The following GALK2 variants were observed in gnomAD, a reference collection of about 807,000 sequenced individuals.
The protein encoded by GALK2 is galactokinase 2, also known as N-acetylgalactosamine kinase.
In GALK2, 36 loss-of-function variants were observed where a neutral mutation model predicts 52.4. The ratio of observed to expected loss-of-function variants is 0.69; its 90% confidence interval spans 0.53 to 0.91. GALK2 has a LOEUF of 0.91. Ranked by LOEUF, GALK2 falls within the 40% of genes least tolerant of loss-of-function variation. The pLI is 0.00. For missense variants in GALK2, 579 were observed against 559.1 expected (o/e 1.04, Z -0.36); for synonymous variants, 176 against 199.1 (o/e 0.88, Z 0.98).
intron 5 of GALK2, among the ~76,000 whole-genome samples, chr15:49,278,216 G>C (rs1315408721): frequency 1.3e-5 from 2 of 152,172 alleles, no homozygotes; most frequent in Non-Finnish European, 2.9e-5. Flanking sequence ...AGCCGAGATC[G>C]CACCACTGTA....
chr15:49,258,930 G>C (rs541055241), intron 5 of GALK2, among the ~76,000 whole-genome samples: 1 of 150,536 alleles, frequency 6.6e-6, no homozygotes, highest in Non-Finnish European at 1.5e-5. Context: ...TGTGTTTTTT[G>C]GCTGCATAAA....
At chr15:49,262,194 G>T (rs1052853131) in intron 5 of GALK2, among the ~76,000 whole-genome samples, 2 of 151,926 alleles carry the variant, frequency 1.3e-5, no homozygotes, top group African/African-American at 4.8e-5. Flanking sequence ...AATCCATCTG[G>T]TCCTGGACTC....
At chr15:49,307,731 G>A (rs1471130697) in intron 8 of GALK2, among the ~76,000 whole-genome samples, 1 of 152,160 alleles carries the variant, frequency 6.6e-6, no homozygotes, top group East Asian at 1.9e-4. Context: ...TTGGAAATCT[G>A]AGAAAGGGAA....
At chr15:49,226,570 A>G (rs1449215476) in intron 3 of GALK2, 3 of 151,556 alleles carry the variant, frequency 2.0e-5, no homozygotes, top group African/African-American at 4.9e-5. Context: ...TTTTTTTAGT[A>G]GCTACTTTAT....
chr15:49,332,372 G>T (rs2038953477), downstream of GALK2, among the ~76,000 whole-genome samples: 1 of 152,206 alleles, frequency 6.6e-6, no homozygotes, highest in Admixed American at 6.5e-5. Context: ...GAGGGAGATG[G>T]AAAAGGCCAG....
intron 2 of GALK2, among the ~76,000 whole-genome samples, chr15:49,212,280 A>G (rs759130441): frequency 1.3e-5 from 2 of 152,032 alleles, no homozygotes; most frequent in Admixed American, 6.6e-5. Flanking sequence ...TTTAGTAGAG[A>G]TGGGGTTTCA....
chr15:49,365,396 G>A (rs1257023196), intron 3 of GALK2: 1 of 1,129,702 alleles, frequency 8.9e-7, no homozygotes, highest in African/African-American at 1.5e-5. Flanking sequence ...CGAAGAACCA[G>A]TCTAAACATC....
chr15:49,193,467 A>T (rs2086937348), intron 1 of GALK2, among the ~76,000 whole-genome samples: 1 of 151,812 alleles, frequency 6.6e-6, no homozygotes, highest in Non-Finnish European at 1.5e-5. Flanking sequence ...AAATGTTTTA[A>T]AACATTTTTA....
At chr15:49,360,667 G>C (rs1056140511) in intron 3 of GALK2, among the ~76,000 whole-genome samples, 1 of 152,036 alleles carries the variant, frequency 6.6e-6, no homozygotes, top group Non-Finnish European at 1.5e-5. Flanking sequence ...CTAAATCCTA[G>C]ACATCAAAGT....
chr15:49,198,167 T>C (rs1049456176), intron 1 of GALK2, among the ~76,000 whole-genome samples: 1 of 152,194 alleles, frequency 6.6e-6, no homozygotes, highest in Admixed American at 6.5e-5. Flanking sequence ...TTGCTTGTGA[T>C]GTATTCTTTT....
At chr15:49,341,108 G>C (rs1224903757) in intron 3 of GALK2, among the ~76,000 whole-genome samples, 1 of 152,088 alleles carries the variant, frequency 6.6e-6, no homozygotes, top group African/African-American at 2.4e-5. Flanking sequence ...TCTCTATTCT[G>C]TTTCATCAGT....
At chr15:49,197,379 G>T (rs1429381710) in intron 1 of GALK2, among the ~76,000 whole-genome samples, 1 of 152,044 alleles carries the variant, frequency 6.6e-6, no homozygotes, top group East Asian at 1.9e-4. Flanking sequence ...TTTGATTTCA[G>T]TTCTGTCATA....
At chr15:49,195,020 A>T (rs1566924868) in intron 1 of GALK2, 7 of 427,114 alleles carry the variant, frequency 1.6e-5, no homozygotes, top group Non-Finnish European at 2.8e-5. Context: ...CATCTTTATG[A>T]TGTTGTATCA....
chr15:49,366,465 T>G (rs1454019034), intron 3 of GALK2: 1 of 1,019,102 alleles, frequency 9.8e-7, no homozygotes, highest in African/African-American at 1.6e-5. Flanking sequence ...TCAGAAAGGT[T>G]GCATAGTGGT....
rs565583925 is a variant in GALK2, at chr15:49,313,290, G to A, written c.968-6314G>A. Among the ~76,000 whole-genome samples, 8 of 152,342 alleles carry A rather than the reference G, an allele frequency of 5.3e-5. No individual in the cohort carries two copies. In the South Asian group the frequency reaches 1.7e-3, roughly 32 times the overall value. The stretch of plus-strand genomic sequence containing the variant: ...AGAAGGCATCACCGTGGCTGGCTAT[G>A]GCACATGGGTTGTTTGTAATCTTTG... On this transcript the variant is annotated intron_variant, in intron 8 of 9. Coordinates refer to ENST00000560031, the MANE Select transcript of GALK2 (RefSeq NM_002044.4).
intron 5 of GALK2, among the ~76,000 whole-genome samples, chr15:49,261,561 C>T (rs959367105): frequency 6.6e-6 from 1 of 152,058 alleles, no homozygotes; most frequent in Non-Finnish European, 1.5e-5. Flanking sequence ...CCCTTTATTT[C>T]CTTCTCCTGC....
intron 9 of GALK2, among the ~76,000 whole-genome samples, chr15:49,325,231 A>G (rs1368103846): frequency 1.3e-5 from 2 of 152,226 alleles, no homozygotes; most frequent in East Asian, 1.9e-4. Context: ...AGCCTTTGCC[A>G]TCGTGCTTTA....
intron 1 of GALK2, among the ~76,000 whole-genome samples, chr15:49,164,687 A>G (rs1031414979): frequency 4.1e-5 from 6 of 147,296 alleles, no homozygotes; most frequent in Admixed American, 1.4e-4. Context: ...AGGCTGAGGC[A>G]GGAGAATCGC....
At chr15:49,295,390 G>T (rs1374210657) in intron 8 of GALK2, among the ~76,000 whole-genome samples, 2 of 151,486 alleles carry the variant, frequency 1.3e-5, no homozygotes, top group African/African-American at 4.9e-5. Context: ...AATTTGTCTG[G>T]TGTGATAGCA....
Sources: gnomAD v4.1 joint callset for allele counts (sites outside exome capture counted in the v4.1 genomes callset) on GRCh38, gnomAD v4.1.1 for gene constraint, MANE v1.5 for transcripts, NCBI Gene and HGNC (gene_info 2026-07-23, HGNC 2026-07-21) for gene names.